Variants in GART observed in about 807,000 individuals in gnomAD.
The protein encoded by GART is trifunctional purine biosynthetic protein adenosine-3.
Under a neutral mutation model 107.2 loss-of-function variants are expected in GART, and 43 were observed. The ratio of observed to expected loss-of-function variants is 0.40; its 90% confidence interval spans 0.31 to 0.52. The LOEUF (loss-of-function observed/expected upper bound fraction) is 0.52. GART is among the 20% of genes least tolerant of loss of function. The pLI is 0.52. For missense variants in GART, 1,107 were observed against 1,206.5 expected (o/e 0.92, Z 1.22); for synonymous variants, 434 against 427.0 (o/e 1.02, Z -0.20).
chr21:33,512,703 T>C (rs939692946), intron 16 of GART, among the ~76,000 whole-genome samples: 1 of 151,986 alleles, frequency 6.6e-6, no homozygotes, highest in Non-Finnish European at 1.5e-5. Context: ...ATCTTCTCAC[T>C]TCATCCTCCT....
chr21:33,532,285 T>TA lies in GART; in HGVS notation c.528+59dup. 3.4e-6 allele frequency: 4 copies of TA among 1,187,852 alleles called. No homozygotes were observed. In the South Asian group the frequency reaches 5.1e-5, roughly 15 times the overall value. The allele number at this position is 1,187,852 out of a possible 1,614,324, so 73.6% of individuals were successfully genotyped here. ...TATTGTGAGGAACATTTTTTAAACT[T>TA]AAAACGGTATTTATTCAGTATGAAT... is the stretch of plus-strand genomic sequence containing the variant. On this transcript the variant is annotated intron_variant, in intron 5 of 21. Transcript: ENST00000381815.
intron 16 of GART, among the ~76,000 whole-genome samples, chr21:33,512,208 T>G (rs1398565519): frequency 7.1e-6 from 1 of 140,776 alleles, no homozygotes; most frequent in African/African-American, 2.6e-5. Flanking sequence ...CACTTAAACC[T>G]GGGAGGTGGA....
At chr21:33,510,168 G>A (rs1371526978) in intron 17 of GART, 1 of 402,416 alleles carries the variant, frequency 2.5e-6, no homozygotes, top group Non-Finnish European at 4.5e-6. Flanking sequence ...GAAGTGCACG[G>A]TGGATATATA....
intron 10 of GART, 107 bp from the exon 11 acceptor site, chr21:33,525,107 C>G: frequency 7.0e-7 from 1 of 1,433,206 alleles, no homozygotes; most frequent in South Asian, 1.5e-5. Flanking sequence ...TTTAACTTGG[C>G]TAGGTGCGGT....
intron 1 of GART, among the ~76,000 whole-genome samples, chr21:33,539,599 A>G (rs1215310046): frequency 6.7e-6 from 1 of 148,682 alleles, no homozygotes; most frequent in Non-Finnish European, 1.5e-5. Context: ...AGGCCAAGGC[A>G]GGAGAATTGC....
At chr21:33,514,607 T>C (rs1431706066) in intron 16 of GART, among the ~76,000 whole-genome samples, 1 of 152,164 alleles carries the variant, frequency 6.6e-6, no homozygotes, top group Non-Finnish European at 1.5e-5. Flanking sequence ...CCTTTCCCCA[T>C]TCATCAGCAG....
At chr21:33,530,944 T>C in intron 6 of GART, 60 bp from the exon 7 acceptor site, 1 of 1,442,130 alleles carries the variant, frequency 6.9e-7, no homozygotes, top group Non-Finnish European at 9.1e-7. Flanking sequence ...AAAAAAAATT[T>C]AGTGAGGCAA....
At position 33,525,054 on chromosome 21, in the gene GART, C is replaced by T. The variant is rs888759367; in HGVS notation, c.1067-54G>A. The T allele has an allele frequency of 1.2e-5, 18 of 1,545,500 alleles. 1 individual carries two copies. Among genetic ancestry groups the T allele is most frequent in the South Asian group, 9.8e-5 (8 of 81,886 alleles). ...TTCAAATAGCAACAGTATTTCACACCGTGAAGTGATTTACGATTTCCACAA... is the reference window on the plus strand; with the variant it reads ...TTCAAATAGCAACAGTATTTCACACTGTGAAGTGATTTACGATTTCCACAA... On this transcript the variant is annotated intron_variant, in intron 10 of 21. Coordinates refer to ENST00000381815, the MANE Select transcript of GART (RefSeq NM_000819.5).
intron 7 of GART, among the ~76,000 whole-genome samples, chr21:33,529,319 C>G (rs2085137465): frequency 6.6e-6 from 1 of 152,076 alleles, no homozygotes; most frequent in Admixed American, 6.5e-5. Context: ...AAATTAGACC[C>G]AGATATAGTT....
chr21:33,522,939 T>C (rs2084999292), intron 11 of GART, among the ~76,000 whole-genome samples: 1 of 152,244 alleles, frequency 6.6e-6, no homozygotes, highest in South Asian at 2.1e-4. Flanking sequence ...CGTACACAAG[T>C]ATCCCTAAAT....
At chr21:33,533,236 G>T (rs531719245) in intron 4 of GART, among the ~76,000 whole-genome samples, 19 of 150,672 alleles carry the variant, frequency 1.3e-4, no homozygotes, top group Admixed American at 5.3e-4. Flanking sequence ...TCAGGAGATC[G>T]AGACCATCCT....
Position 33,528,110 on chromosome 21 carries a change from G to A in GART, c.1066+57C>T, listed in dbSNP as rs867511529. On this transcript the variant is annotated intron_variant, in intron 10 of 21. Coordinates refer to ENST00000381815, the MANE Select transcript of GART (RefSeq NM_000819.5). Reference sequence around the variant, plus strand: ...AAGCCTTAGTGTGAGAGGGGGGTCTGCTGTGGTGCTGGCACTTGTCACGTT... The same window carrying A: ...AAGCCTTAGTGTGAGAGGGGGGTCTACTGTGGTGCTGGCACTTGTCACGTT... 1.1e-4 allele frequency: 172 copies of A among 1,523,846 alleles called. No homozygotes were observed. The Middle Eastern group carries it at 1.6e-3, about 14-fold the overall frequency. The allele number at this position is 1,523,846 out of a possible 1,614,324, so 94.4% of individuals were successfully genotyped here. A position where few individuals can be genotyped will look rare whatever the true frequency, so the allele number is the denominator to read the frequency against.
At chr21:33,521,190 G>T (rs536881993) in intron 12 of GART, among the ~76,000 whole-genome samples, 175 bp from the exon 13 acceptor site, 1 of 152,262 alleles carries the variant, frequency 6.6e-6, no homozygotes, top group African/African-American at 2.4e-5. Context: ...AATCAACTGG[G>T]AGAATGTAAT....
chr21:33,509,750 C>T (rs1290610074), intron 18 of GART, 33 bp downstream of exon 18: 1 of 1,606,790 alleles, frequency 6.2e-7, no homozygotes, highest in Admixed American at 1.7e-5. Flanking sequence ...GGGCAGTCAA[C>T]AGCTCTACAG....
chr21:33,535,333 A>G lies in GART; in HGVS notation c.146-13T>C. 7.2e-7 allele frequency: 1 copy of G among 1,381,750 alleles called. No homozygotes were observed. Among genetic ancestry groups the G allele is most frequent in the African/African-American group, 1.5e-5 (1 of 66,642 alleles). The allele number at this position is 1,381,750 out of a possible 1,614,324, so 85.6% of individuals were successfully genotyped here. ...CTGATTGAGATGGCTGTAAACAGAA[A>G]AAAAAAAAAAAAAACCACTGCATTT... On this transcript the variant is annotated splice_polypyrimidine_tract_variant and intron_variant, in intron 2 of 21. Transcript: ENST00000381815.
chr21:33,509,322 C>T (rs946749686), intron 18 of GART: 2 of 153,024 alleles, frequency 1.3e-5, no homozygotes, highest in African/African-American at 2.4e-5. Flanking sequence ...TAAGAACATA[C>T]TGAATATTTG....
At position 33,524,921 on chromosome 21, in the gene GART, A is replaced by G. The variant is rs779281321; in HGVS notation, c.1146T>C (p.His382=). ...TALKNGKVVT[H]GGRVLAVTAI... The stretch of plus-strand genomic sequence containing the variant: ...CTGTGACTGCAAGAACTCTACCCCC[A>G]TGAGTTACTACTTTGCCATTTTTGA... The change falls in exon 11 of 22, where the codon CAT becomes CAC. Residue 382 remains histidine (H), a synonymous_variant. Transcript: ENST00000381815. 5.0e-6 allele frequency: 8 copies of G among 1,614,012 alleles called. No individual in the cohort carries two copies. The Admixed American group carries it at 5.0e-5, about 10-fold the overall frequency.
chr21:33,530,320 A>C (rs1489572387), intron 7 of GART, among the ~76,000 whole-genome samples: 1 of 152,216 alleles, frequency 6.6e-6, no homozygotes, highest in Non-Finnish European at 1.5e-5. Flanking sequence ...CACACAAGAA[A>C]TTCTGATCTG....
intron 2 of GART, among the ~76,000 whole-genome samples, chr21:33,535,960 G>A (rs1001462418): frequency 8.6e-5 from 13 of 151,974 alleles, no homozygotes; most frequent in Admixed American, 3.3e-4. Flanking sequence ...CTGGGGAGGC[G>A]GAGGTTGCAG....
Sources: gnomAD v4.1 joint callset for allele counts (sites outside exome capture counted in the v4.1 genomes callset) on GRCh38, gnomAD v4.1.1 for gene constraint, MANE v1.5 for transcripts, NCBI Gene and HGNC (gene_info 2026-07-23, HGNC 2026-07-21) for gene names.